Variants in CMIP observed in about 807,000 individuals in gnomAD.
CMIP encodes c-Maf inducing protein.
In CMIP, 13 loss-of-function variants were observed where a neutral mutation model predicts 97.3. The ratio of observed to expected loss-of-function variants is 0.13; its 90% confidence interval spans 0.09 to 0.21. The LOEUF (loss-of-function observed/expected upper bound fraction) is 0.21, where lower values mean the gene tolerates loss of function less well. Ranked by LOEUF, CMIP falls within the 10% of genes least tolerant of loss-of-function variation. The pLI is 1.00. For synonymous variants in CMIP, 538 were observed against 436.3 expected, an observed-to-expected ratio of 1.23 and a Z score of -2.91; for missense variants, 847 against 1,024.9, an observed-to-expected ratio of 0.83 and a Z score of 2.37.
intron 16 of CMIP, 80 bp from the exon 17 acceptor site, chr16:81,702,538 CATGA>C: frequency 7.5e-7 from 1 of 1,335,160 alleles, no homozygotes; most frequent in Non-Finnish European, 1.1e-6. Context: ...ACGATGGCTC[CATGA>C]GTGTTGTTAA....
rs917629626 is a variant in CMIP, at chr16:81,704,155, C to G, written c.2091+70C>G. On this transcript the variant is annotated intron_variant, in intron 18 of 20. Coordinates refer to ENST00000537098, the MANE Select transcript of CMIP (RefSeq NM_198390.3). ...CACCTCTGCACTCTCCTCCCTATTCCCCCGTACCATCTTCCTTTCCCCTCA... is the reference window on the plus strand; with the variant it reads ...CACCTCTGCACTCTCCTCCCTATTCGCCCGTACCATCTTCCTTTCCCCTCA... The G allele has an allele frequency of 1.1e-5, 16 of 1,404,734 alleles. No homozygotes were observed. In the African/African-American group the frequency reaches 1.5e-4, roughly 13 times the overall value. 87.0% of individuals were successfully genotyped at this position (1,404,734 alleles called of 1,614,324 possible).
At position 81,655,547 on chromosome 16, in the gene CMIP, G is replaced by C. The variant is rs541414680; in HGVS notation, c.640-2228G>C. On this transcript the variant is annotated intron_variant, in intron 4 of 20. Transcript: ENST00000537098. The surrounding 1 kb of genome is among the most constrained non-coding windows in gnomAD (Gnocchi z 4.9). The stretch of plus-strand genomic sequence containing the variant: ...CTACCAGGGGTGGAAAATGGCCCTG[G>C]GGGAGAGAAGGCTCCCTGTAGAATG... Among the ~76,000 whole-genome samples, 2 of 152,328 alleles carry C rather than the reference G, an allele frequency of 1.3e-5. No homozygotes were observed. The highest frequency in any genetic ancestry group is 4.8e-5 in the African/African-American group (2 of 41,570).
intron 1 of CMIP, among the ~76,000 whole-genome samples, chr16:81,532,132 C>G (rs1449901639): frequency 6.6e-6 from 1 of 152,188 alleles, no homozygotes; most frequent in Non-Finnish European, 1.5e-5. Context: ...AAGCGAGGTG[C>G]GCAAGGTGCC....
chr16:81,705,746 C>T, intron 19 of CMIP, 142 bp downstream of exon 19: 1 of 595,912 alleles, frequency 1.7e-6, no homozygotes, highest in Non-Finnish European at 3.0e-6. Flanking sequence ...CACTGCACAC[C>T]TGCTGTGGAC....
At chr16:81,644,942 A>G (rs1036410696) in intron 3 of CMIP, among the ~76,000 whole-genome samples, 2 of 152,138 alleles carry the variant, frequency 1.3e-5, no homozygotes, top group Admixed American at 6.5e-5. Flanking sequence ...AGAGGCAAAC[A>G]TGCATGCTCC....
At chr16:81,663,204 G>T (rs949974870) in intron 6 of CMIP, among the ~76,000 whole-genome samples, 4 of 151,910 alleles carry the variant, frequency 2.6e-5, no homozygotes, top group Non-Finnish European at 4.4e-5. Context: ...TACAGCAGCT[G>T]TATTCATGAC....
At chr16:81,494,212 T>G (rs575291996) in intron 1 of CMIP, among the ~76,000 whole-genome samples, 2 of 152,220 alleles carry the variant, frequency 1.3e-5, no homozygotes, top group Admixed American at 1.3e-4. Context: ...TGCCTCTTCC[T>G]GGGTCTCCAG....
In CMIP at chr16:81,580,910, G is replaced by C. The variant is rs183932234; in HGVS notation, c.301-26657G>C. The stretch of plus-strand genomic sequence containing the variant: ...CTTCTCCACCCCAGCACGAAATCTC[G>C]TGCCCATTAGCAGTCATTCCCCATT... On this transcript the variant is annotated intron_variant, in intron 1 of 20. Coordinates refer to ENST00000537098, the MANE Select transcript of CMIP (RefSeq NM_198390.3). Among the ~76,000 whole-genome samples the C allele has an allele frequency of 1.5e-4, 23 of 152,210 alleles. No individual in the cohort carries two copies. The East Asian group carries it at 3.7e-3, about 24-fold the overall frequency.
chr16:81,615,376 G>GGT (rs200240988), intron 2 of CMIP, among the ~76,000 whole-genome samples: 2 of 145,984 alleles, frequency 1.4e-5, no homozygotes, highest in Non-Finnish European at 3.0e-5. Flanking sequence ...GTAACTGTAT[G>GGT]GTGTGTGTAT....
intron 1 of CMIP, among the ~76,000 whole-genome samples, chr16:81,572,747 C>T (rs575210587): frequency 8.5e-5 from 13 of 152,252 alleles, no homozygotes; most frequent in Non-Finnish European, 1.3e-4. Flanking sequence ...GAGTCAGTGG[C>T]GCCAAGGTCC....
At position 81,614,908 on chromosome 16, in the gene CMIP, A is replaced by G. The variant is rs925715776; in HGVS notation, c.427-5968A>G. Reference sequence around the variant, plus strand: ...GCATGTGTGTGTGTCCTGTGTCTATATGTGGTGTGCATAGTGTGTATCTCT... The same window carrying G: ...GCATGTGTGTGTGTCCTGTGTCTATGTGTGGTGTGCATAGTGTGTATCTCT... On this transcript the variant is annotated intron_variant, in intron 2 of 20. Coordinates refer to ENST00000537098, the MANE Select transcript of CMIP (RefSeq NM_198390.3). This position sits in a 1 kb window ranked among gnomAD's most constrained non-coding sequence, Gnocchi z 5.3. Among the ~76,000 whole-genome samples the G allele has an allele frequency of 6.8e-6, 1 of 146,386 alleles. No homozygotes were observed. The highest frequency in any genetic ancestry group is 2.0e-4 in the East Asian group (1 of 4,892).
intron 15 of CMIP, among the ~76,000 whole-genome samples, chr16:81,701,347 C>A (rs1907378925): frequency 6.6e-6 from 1 of 152,188 alleles, no homozygotes. Flanking sequence ...GGCCTTTCCA[C>A]CAGTGCTCAG....
At chr16:81,675,448 G>T (rs1038185307) in intron 9 of CMIP, among the ~76,000 whole-genome samples, 1 of 150,784 alleles carries the variant, frequency 6.6e-6, no homozygotes, top group African/African-American at 2.4e-5. Context: ...CAAACTCCTG[G>T]CCTCAAGTGA....
intron 14 of CMIP, among the ~76,000 whole-genome samples, chr16:81,698,722 T>C (rs1238487888): frequency 1.3e-5 from 2 of 152,196 alleles, no homozygotes; most frequent in Admixed American, 1.3e-4. Flanking sequence ...AACGTTCTTA[T>C]CTTCCGAAAC....
chr16:81,644,377 G>T (rs1304554721), intron 3 of CMIP, among the ~76,000 whole-genome samples: 4 of 152,210 alleles, frequency 2.6e-5, no homozygotes, highest in Admixed American at 6.5e-5. Context: ...AGGCCAGGGG[G>T]CTGTGTTTGA....
At chr16:81,685,271 G>T (rs1905262210) in intron 10 of CMIP, among the ~76,000 whole-genome samples, 1 of 152,174 alleles carries the variant, frequency 6.6e-6, no homozygotes, top group African/African-American at 2.4e-5. Flanking sequence ...GCCCCAGGCT[G>T]GGAGACCGAG....
At chr16:81,557,385 C>T (rs2150866663) in intron 1 of CMIP, among the ~76,000 whole-genome samples, 1 of 152,058 alleles carries the variant, frequency 6.6e-6, no homozygotes, top group East Asian at 1.9e-4. Flanking sequence ...GTTGAATTCA[C>T]TTATTACTGT....
At chr16:81,692,521 G>A (rs532208077) in intron 11 of CMIP, among the ~76,000 whole-genome samples, 91 of 152,360 alleles carry the variant, frequency 6.0e-4, no homozygotes, top group African/African-American at 2.2e-3. Flanking sequence ...GGAGGCAGCT[G>A]GGGCTCTCGA....
intron 10 of CMIP, among the ~76,000 whole-genome samples, chr16:81,681,831 T>C (rs1286661752): frequency 6.6e-6 from 1 of 152,186 alleles, no homozygotes; most frequent in Non-Finnish European, 1.5e-5. Flanking sequence ...GTAAAATGCA[T>C]GTCTTCTCGG....
Sources: allele counts gnomAD v4.1 joint callset (sites outside exome capture counted in the v4.1 genomes callset), GRCh38; gene constraint gnomAD v4.1.1; non-coding constraint Gnocchi (gnomAD v3.1); transcripts MANE v1.5; gene names NCBI Gene and HGNC (gene_info 2026-07-23, HGNC 2026-07-21).